The following SPOCK3 variants were observed in gnomAD, a reference collection of about 807,000 sequenced individuals.
The protein encoded by SPOCK3 is SPARC (osteonectin), cwcv and kazal like domains proteoglycan 3.
In SPOCK3, 30 loss-of-function variants were observed where a neutral mutation model predicts 56.6. The observed-to-expected ratio is 0.53, with a 90% CI of 0.40 to 0.72. The LOEUF (loss-of-function observed/expected upper bound fraction) is 0.72. SPOCK3 is among the 30% of genes least tolerant of loss of function. SPOCK3 has a pLI of 0.00. For synonymous variants in SPOCK3, 196 were observed against 183.3 expected (o/e 1.07, Z -0.56); for missense variants, 527 against 530.0 (o/e 0.99, Z 0.06).
At chr4:167,016,275 A>AT (rs1750606833) in intron 3 of SPOCK3, among the ~76,000 whole-genome samples, 1 of 152,106 alleles carries the variant, frequency 6.6e-6, no homozygotes, top group Non-Finnish European at 1.5e-5. Flanking sequence ...AAAAGAACAT[A>AT]TTTTTTAAAA....
rs768790980 is a variant in SPOCK3, at chr4:166,734,899, T to C, written c.*22A>G. 1 of 1,479,060 alleles carries C rather than the reference T, an allele frequency of 6.8e-7. No individual in the cohort carries two copies. Among genetic ancestry groups the C allele is most frequent in the East Asian group, 2.4e-5 (1 of 42,204 alleles). The allele number at this position is 1,479,060 out of a possible 1,614,324, so 91.6% of individuals were successfully genotyped here. ...TTGTAAATATTAGAAATGTAGAATT[T>C]ATTGATTTCAACTGTCATCAATCAA... On this transcript the variant is annotated 3_prime_UTR_variant, in exon 11 of 11. Coordinates refer to ENST00000357545, the MANE Select transcript of SPOCK3 (RefSeq NM_001040159.2).
chr4:166,926,616 C>T (rs1248161996), intron 4 of SPOCK3, among the ~76,000 whole-genome samples: 1 of 151,814 alleles, frequency 6.6e-6, no homozygotes, highest in African/African-American at 2.4e-5. Flanking sequence ...GCCTTTATGT[C>T]CAAGCAACCC....
chr4:167,047,393 A>G (rs1338224837), intron 3 of SPOCK3, among the ~76,000 whole-genome samples: 1 of 152,224 alleles, frequency 6.6e-6, no homozygotes, highest in Non-Finnish European at 1.5e-5. Context: ...GAGGCTAGAC[A>G]TATAAGTTCA....
intron 3 of SPOCK3, among the ~76,000 whole-genome samples, chr4:167,019,302 G>A (rs1282512926): frequency 6.6e-6 from 1 of 151,966 alleles, no homozygotes; most frequent in African/African-American, 2.4e-5. Context: ...AACCTATTCT[G>A]TCCTATAATT....
intron 4 of SPOCK3, among the ~76,000 whole-genome samples, chr4:166,956,897 T>A (rs947864792): frequency 6.6e-6 from 1 of 152,142 alleles, no homozygotes; most frequent in Non-Finnish European, 1.5e-5. Flanking sequence ...TCTCGCTTAC[T>A]TCATCATACA....
chr4:167,222,619 T>C (rs1483487654), intron 2 of SPOCK3, among the ~76,000 whole-genome samples: 1 of 140,320 alleles, frequency 7.1e-6, no homozygotes. Context: ...TATATATTTA[T>C]ATATAAACAT....
intron 4 of SPOCK3, among the ~76,000 whole-genome samples, chr4:166,987,814 A>G (rs1420289566): frequency 6.6e-6 from 1 of 152,148 alleles, no homozygotes; most frequent in Non-Finnish European, 1.5e-5. Flanking sequence ...AAATTTTTAT[A>G]ATGTGTGGTA....
At chr4:167,037,319 T>G (rs1752839519) in intron 3 of SPOCK3, among the ~76,000 whole-genome samples, 1 of 151,854 alleles carries the variant, frequency 6.6e-6, no homozygotes. Flanking sequence ...CTGTCTCTAC[T>G]AAAAATACAA....
chr4:166,889,693 C>T (rs1053745412), intron 5 of SPOCK3, among the ~76,000 whole-genome samples: 1 of 151,924 alleles, frequency 6.6e-6, no homozygotes, highest in Non-Finnish European at 1.5e-5. Context: ...AGACTCTATG[C>T]ATCAGTCTTT....
chr4:166,790,342 A>G (rs1252507503), intron 7 of SPOCK3, among the ~76,000 whole-genome samples: 3 of 152,186 alleles, frequency 2.0e-5, no homozygotes, highest in African/African-American at 7.2e-5. Context: ...TGGTTCACAA[A>G]TTAAATAAGA....
At chr4:167,063,341 TTATTA>T (rs1755792581) in intron 2 of SPOCK3, among the ~76,000 whole-genome samples, 1 of 151,944 alleles carries the variant, frequency 6.6e-6, no homozygotes, top group South Asian at 2.1e-4. Context: ...ATATCATATT[TTATTA>T]TAAATTAAAA....
At chr4:166,781,481 A>C (rs1034668324) in intron 7 of SPOCK3, among the ~76,000 whole-genome samples, 2 of 152,072 alleles carry the variant, frequency 1.3e-5, no homozygotes, top group Non-Finnish European at 2.9e-5. Context: ...AAGAAGGTGA[A>C]AAGGAGTAGG....
At chr4:167,208,725 T>C (rs188427339) in intron 2 of SPOCK3, among the ~76,000 whole-genome samples, 2 of 152,090 alleles carry the variant, frequency 1.3e-5, no homozygotes, top group African/African-American at 4.8e-5. Flanking sequence ...GTAGATCTGC[T>C]AAAAATATGA....
chr4:166,849,412 T>C (rs948790741), intron 6 of SPOCK3, among the ~76,000 whole-genome samples: 1 of 152,152 alleles, frequency 6.6e-6, no homozygotes, highest in African/African-American at 2.4e-5. Flanking sequence ...GGTTTTTTTT[T>C]GTCATTAAAA....
intron 5 of SPOCK3, among the ~76,000 whole-genome samples, chr4:166,891,166 A>C (rs1264111988): frequency 6.6e-6 from 1 of 151,842 alleles, no homozygotes; most frequent in Admixed American, 6.6e-5. Context: ...TTTAAGAGTC[A>C]ATAATTATCT....
intron 6 of SPOCK3, among the ~76,000 whole-genome samples, chr4:166,850,147 T>G (rs965971262): frequency 6.6e-6 from 1 of 152,194 alleles, no homozygotes; most frequent in Non-Finnish European, 1.5e-5. Context: ...TTAATTATTT[T>G]AGGAACTGCC....
intron 2 of SPOCK3, among the ~76,000 whole-genome samples, chr4:167,066,280 G>T (rs959803677): frequency 6.6e-6 from 1 of 151,770 alleles, no homozygotes; most frequent in Non-Finnish European, 1.5e-5. Flanking sequence ...TGTGTTAGGG[G>T]TAGGGAGACT....
chr4:167,197,342 A>T (rs1456091008), intron 2 of SPOCK3, among the ~76,000 whole-genome samples: 1 of 152,206 alleles, frequency 6.6e-6, no homozygotes, highest in Non-Finnish European at 1.5e-5. Context: ...GCTACTCAAA[A>T]ATGATACTAA....
chr4:167,197,100 G>A (rs1733028757), intron 2 of SPOCK3, among the ~76,000 whole-genome samples: 1 of 152,100 alleles, frequency 6.6e-6, no homozygotes, highest in South Asian at 2.1e-4. Flanking sequence ...TTACCTTAGG[G>A]TGCATCTACC....
Sources: gnomAD v4.1 joint callset for allele counts (sites outside exome capture counted in the v4.1 genomes callset) on GRCh38, gnomAD v4.1.1 for gene constraint, MANE v1.5 for transcripts, NCBI Gene and HGNC (gene_info 2026-07-23, HGNC 2026-07-21) for gene names.